NPAS3: variants seen among roughly 807,000 people sequenced by gnomAD.
NPAS3 encodes neuronal PAS domain protein 3, also known as neuronal PAS domain-containing protein 3.
In NPAS3, 14 loss-of-function variants were observed where a neutral mutation model predicts 73.1. The ratio of observed to expected loss-of-function variants is 0.19; its 90% CI spans 0.13 to 0.30. The LOEUF (loss-of-function observed/expected upper bound fraction) is 0.30, where lower values mean the gene tolerates loss of function less well. NPAS3 is among the 10% of genes least tolerant of loss of function. NPAS3 has a pLI of 1.00. For synonymous variants in NPAS3, 620 were observed against 541.5 expected (o/e 1.14, Z -2.01); for missense variants, 1,096 against 1,250.0 (o/e 0.88, Z 1.86).
chr14:33,478,957 G>T (rs2139685199), intron 4 of NPAS3, among the ~76,000 whole-genome samples: 2 of 152,192 alleles, frequency 1.3e-5, no homozygotes, highest in East Asian at 3.9e-4. Context: ...ACAATAACTT[G>T]TTCATTGGCC....
At chr14:33,222,794 A>G (rs924622685) in intron 3 of NPAS3, among the ~76,000 whole-genome samples, 1 of 152,190 alleles carries the variant, frequency 6.6e-6, no homozygotes, top group South Asian at 2.1e-4. Flanking sequence ...GATAAGAACT[A>G]TGGGTGAGTT....
intron 5 of NPAS3, among the ~76,000 whole-genome samples, chr14:33,584,397 T>C (rs2056786297): frequency 1.3e-5 from 1 of 78,658 alleles, no homozygotes; most frequent in Non-Finnish European, 2.6e-5. Context: ...GATGGATGTT[T>C]ATTTAAAAAA....
intron 4 of NPAS3, among the ~76,000 whole-genome samples, 160 bp downstream of exon 4, chr14:33,367,428 T>C (rs1336627933): frequency 6.6e-6 from 1 of 152,166 alleles, no homozygotes; most frequent in Non-Finnish European, 1.5e-5. Context: ...TTTTTTTCTT[T>C]TTAGAAAGCC....
chr14:33,714,692 A>G (rs1263294649), intron 6 of NPAS3, among the ~76,000 whole-genome samples: 1 of 152,200 alleles, frequency 6.6e-6, no homozygotes, highest in African/African-American at 2.4e-5. Context: ...GAGTCATGAA[A>G]AATACCTTAC....
At chr14:33,206,216 T>C (rs997161815) in intron 2 of NPAS3, among the ~76,000 whole-genome samples, 22 of 152,308 alleles carry the variant, frequency 1.4e-4, no homozygotes, top group African/African-American at 5.1e-4. Flanking sequence ...GCGGCAATAT[T>C]GCACATTAGT....
At chr14:33,697,619 T>TA (rs1566438311) in intron 6 of NPAS3, among the ~76,000 whole-genome samples, 2 of 152,328 alleles carry the variant, frequency 1.3e-5, no homozygotes, top group Non-Finnish European at 2.9e-5. Context: ...TCAATCTTCT[T>TA]AAATGGTGAT....
intron 5 of NPAS3, among the ~76,000 whole-genome samples, chr14:33,672,155 A>AG (rs1177100792): frequency 6.6e-6 from 1 of 152,208 alleles, no homozygotes; most frequent in Non-Finnish European, 1.5e-5. Context: ...GTGGGTTATG[A>AG]AAGACAGACA....
In NPAS3 at chr14:33,199,563, A is replaced by C. The variant is rs374787400; in HGVS notation, c.141-15619A>C. ...CTAGTACCACCTCCAGAGTGTAGAA[A>C]GGGGAGGAGACTGTTTTGAGAATTT... On this transcript the variant is annotated intron_variant, in intron 2 of 11. Transcript: ENST00000356141. 1.4e-4 allele frequency among the ~76,000 whole-genome samples: 22 copies of C among 152,246 alleles called. No individual in the cohort carries two copies. In the South Asian group the frequency reaches 4.6e-3, roughly 32 times the overall value.
At chr14:33,499,943 G>A (rs754754291) in intron 4 of NPAS3, among the ~76,000 whole-genome samples, 2 of 151,868 alleles carry the variant, frequency 1.3e-5, no homozygotes, top group Non-Finnish European at 2.9e-5. Flanking sequence ...TCTTTGTTTT[G>A]TTTCTGTCTT....
intron 3 of NPAS3, among the ~76,000 whole-genome samples, chr14:33,274,664 G>T (rs2041247217): frequency 6.6e-6 from 1 of 152,092 alleles, no homozygotes; most frequent in African/African-American, 2.4e-5. Context: ...AAAACTCAGA[G>T]TCATCTCAGT....
intron 1 of NPAS3, among the ~76,000 whole-genome samples, chr14:33,020,915 C>T (rs2039572580): frequency 6.6e-6 from 1 of 152,044 alleles, no homozygotes; most frequent in Admixed American, 6.6e-5. Context: ...TGCGTGCCAC[C>T]ACGCCCAGGT....
At chr14:33,579,252 C>A (rs1021659357) in intron 5 of NPAS3, among the ~76,000 whole-genome samples, 12 of 152,182 alleles carry the variant, frequency 7.9e-5, no homozygotes, top group Non-Finnish European at 1.8e-4. Context: ...TATAAGTCTT[C>A]TTATTCACAC....
intron 3 of NPAS3, among the ~76,000 whole-genome samples, chr14:33,337,396 G>C (rs1402896353): frequency 6.6e-6 from 1 of 151,932 alleles, no homozygotes; most frequent in African/African-American, 2.4e-5. Context: ...CATATCAATT[G>C]ACTATACACA....
rs968155533 is a variant in NPAS3 at position 33,351,264 on chromosome 14, C to T, written c.386-15922C>T. Among the ~76,000 whole-genome samples the T allele has an allele frequency of 7.9e-5, 12 of 152,246 alleles. No individual in the cohort carries two copies. The East Asian group carries it at 1.9e-3, about 25-fold the overall frequency. ...TAGTCAATAATCAAATACCCGCAGC[C>T]GTGCAGCACCACACCTGCTGCCCAG... On this transcript the variant is annotated intron_variant, in intron 3 of 11. Transcript: ENST00000356141.
intron 4 of NPAS3, among the ~76,000 whole-genome samples, chr14:33,463,501 TTAA>T (rs2050368933): frequency 6.6e-6 from 1 of 152,160 alleles, no homozygotes; most frequent in South Asian, 2.1e-4. Flanking sequence ...GCTAATAATT[TTAA>T]TAATAATTTA....
intron 5 of NPAS3, among the ~76,000 whole-genome samples, chr14:33,574,785 A>G (rs1175398723): frequency 6.6e-6 from 1 of 152,212 alleles, no homozygotes; most frequent in African/African-American, 2.4e-5. Context: ...AACCTGAGAA[A>G]TAAGTAGGGT....
intron 5 of NPAS3, among the ~76,000 whole-genome samples, chr14:33,662,117 C>G (rs2059325228): frequency 6.6e-6 from 1 of 152,172 alleles, no homozygotes; most frequent in Non-Finnish European, 1.5e-5. Flanking sequence ...GGTAGCTGTT[C>G]ACAACCTAAA....
chr14:33,182,497 G>A (rs1161275959), intron 2 of NPAS3, among the ~76,000 whole-genome samples: 1 of 152,196 alleles, frequency 6.6e-6, no homozygotes, highest in Non-Finnish European at 1.5e-5. Context: ...AATAAAACAA[G>A]TGCAGCAGTA....
At chr14:33,760,109 C>T (rs147385806) in intron 7 of NPAS3, among the ~76,000 whole-genome samples, 161 of 152,230 alleles carry the variant, frequency 1.1e-3, no homozygotes, top group African/African-American at 3.5e-3. Flanking sequence ...AGTGGCACCA[C>T]CCCCTGGCCA....
Sources: allele counts gnomAD v4.1 joint callset (sites outside exome capture counted in the v4.1 genomes callset), GRCh38; gene constraint gnomAD v4.1.1; transcripts MANE v1.5; gene names NCBI Gene and HGNC (gene_info 2026-07-23, HGNC 2026-07-21).